The following UNC13C variants were observed in gnomAD, a reference collection of about 807,000 sequenced individuals.
The protein encoded by UNC13C is protein unc-13 homolog C.
UNC13C carries 174 observed loss-of-function variants against 245.4 expected under a neutral mutation model. That is an observed-to-expected ratio of 0.71 (90% CI 0.63 to 0.80). The LOEUF is 0.80. UNC13C is among the 30% of genes least tolerant of loss of function. The probability of loss-of-function intolerance (pLI) is 0.00; values close to 1 mark genes in which losing one functional copy is unlikely to be tolerated. For missense variants in UNC13C, 2,829 were observed against 2,602.9 expected, an observed-to-expected ratio of 1.09 and a Z score of -1.89; for synonymous variants, 992 against 895.1, an observed-to-expected ratio of 1.11 and a Z score of -1.93.
At chr15:54,332,966 A>T (rs1042165522) in intron 15 of UNC13C, among the ~76,000 whole-genome samples, 8 of 152,000 alleles carry the variant, frequency 5.3e-5, no homozygotes, top group Admixed American at 5.3e-4. Context: ...GACCAACATA[A>T]TGAGAAGAGA....
rs79197274 is a variant in UNC13C at position 54,242,152 on chromosome 15, A to G, written c.3228+4462A>G. Reference sequence around the variant, plus strand: ...TTGAACAATTTTGGCATCATTATTAAACTAGCTTAATAAGATAAGTGAGGA... The same window carrying G: ...TTGAACAATTTTGGCATCATTATTAGACTAGCTTAATAAGATAAGTGAGGA... On this transcript the variant is annotated intron_variant, in intron 7 of 32. Coordinates refer to ENST00000260323, the MANE Select transcript of UNC13C (RefSeq NM_001080534.3). Among the ~76,000 whole-genome samples, 505 of 152,310 alleles carry G rather than the reference A, an allele frequency of 3.3e-3. 19 individuals carry two copies. The East Asian group carries it at 0.068, about 21-fold the overall frequency.
intron 19 of UNC13C, among the ~76,000 whole-genome samples, chr15:54,424,126 G>T (rs1384004064): frequency 6.6e-6 from 1 of 151,660 alleles, no homozygotes; most frequent in African/African-American, 2.4e-5. Flanking sequence ...TGTGGAACTT[G>T]TAAATTTGGC....
chr15:54,285,423 G>A (rs907412083), intron 10 of UNC13C, among the ~76,000 whole-genome samples: 6 of 152,188 alleles, frequency 3.9e-5, no homozygotes, highest in African/African-American at 1.4e-4. Context: ...TAACAAGTGA[G>A]ATACCGATAT....
chr15:54,070,951 T>C (rs1277435693), intron 2 of UNC13C, among the ~76,000 whole-genome samples: 1 of 152,214 alleles, frequency 6.6e-6, no homozygotes, highest in Non-Finnish European at 1.5e-5. Context: ...GTAGAAGATA[T>C]ATAATTTATT....
the UNC13C span, among the ~76,000 whole-genome samples, chr15:53,953,146 C>A: frequency 1.3e-5 from 2 of 152,194 alleles, no homozygotes; most frequent in African/African-American, 4.8e-5. Context: ...GAAAGGATTT[C>A]GGAATGTACT....
Position 54,039,341 on chromosome 15 carries a change from G to A in UNC13C, c.2983+23455G>A, listed in dbSNP as rs547673280. 3.2e-4 allele frequency among the ~76,000 whole-genome samples: 49 copies of A among 152,236 alleles called. 1 individual carries two copies. The highest frequency in any genetic ancestry group is 1.1e-3 in the African/African-American group (46 of 41,542). On this transcript the variant is annotated intron_variant, in intron 2 of 32. Coordinates refer to ENST00000260323, the MANE Select transcript of UNC13C (RefSeq NM_001080534.3). ...TAATTTTATTTGCCTGATTTGAGTT[G>A]TCAAAATATTCTAGATTCTTTTCAT...
chr15:54,037,925 G>A (rs909059969), intron 2 of UNC13C, among the ~76,000 whole-genome samples: 2 of 150,392 alleles, frequency 1.3e-5, no homozygotes, highest in African/African-American at 4.9e-5. Context: ...AGTGAGAAGT[G>A]TAAAAGCAAT....
At chr15:54,185,984 A>C (rs1164931426) in intron 4 of UNC13C, among the ~76,000 whole-genome samples, 70 of 151,824 alleles carry the variant, frequency 4.6e-4, no homozygotes, top group African/African-American at 1.6e-3. Flanking sequence ...GAGGTCCTTC[A>C]CATCCCTTGT....
chr15:54,363,988 T>C (rs1165383216), intron 17 of UNC13C, among the ~76,000 whole-genome samples: 1 of 152,196 alleles, frequency 6.6e-6, no homozygotes, highest in Non-Finnish European at 1.5e-5. Context: ...AAATTAAAAA[T>C]TCATGGTTTT....
rs1453190864 is a variant in UNC13C, at chr15:54,014,492, A to G, written c.1589A>G (p.Asp530Gly). 7 of 1,613,716 alleles carry G rather than the reference A, an allele frequency of 4.3e-6. No individual in the cohort carries two copies. In the Admixed American group the frequency reaches 5.0e-5, roughly 12 times the overall value. Residue 530 changes from aspartate to glycine, a missense_variant, in exon 2 of 33, where the codon GAT becomes GGT. Transcript: ENST00000260323. ...AAGCAAACCACAACCCATTATGCAG[A>G]TGCAACACCTCTCTGGCACTCACAG... ...LEKQTTTHYA[D>G]ATPLWHSQSD...
intron 2 of UNC13C, among the ~76,000 whole-genome samples, chr15:54,089,811 A>G (rs1004318467): frequency 2.6e-5 from 4 of 152,180 alleles, no homozygotes; most frequent in African/African-American, 9.7e-5. Context: ...AATTCAACTC[A>G]TCATAAAGGT....
At chr15:54,188,485 A>G (rs1390762758) in intron 4 of UNC13C, among the ~76,000 whole-genome samples, 3 of 152,206 alleles carry the variant, frequency 2.0e-5, no homozygotes, top group African/African-American at 7.2e-5. Context: ...GGGTACAACA[A>G]ACTACATTTA....
chr15:54,137,771 CCT>C (rs1261761279), intron 2 of UNC13C, among the ~76,000 whole-genome samples: 1 of 151,664 alleles, frequency 6.6e-6, no homozygotes, highest in African/African-American at 2.4e-5. Context: ...TCAAAAAAAC[CCT>C]CTTAGTTTCA....
At chr15:54,104,073 G>C (rs1900308635) in intron 2 of UNC13C, among the ~76,000 whole-genome samples, 1 of 152,242 alleles carries the variant, frequency 6.6e-6, no homozygotes, top group Non-Finnish European at 1.5e-5. Flanking sequence ...ATTGTGTCGA[G>C]TCCTTTTCTT....
At chr15:54,109,315 C>T (rs1900639279) in intron 2 of UNC13C, among the ~76,000 whole-genome samples, 3 of 69,636 alleles carry the variant, frequency 4.3e-5, no homozygotes, top group African/African-American at 1.7e-4. Context: ...CCTCCCCTCC[C>T]CTCCCTTTCC....
At chr15:54,478,463 C>T (rs1892903080) in intron 19 of UNC13C, among the ~76,000 whole-genome samples, 1 of 145,082 alleles carries the variant, frequency 6.9e-6, no homozygotes, top group African/African-American at 2.6e-5. Flanking sequence ...TATAAATTTC[C>T]CTCTACACAC....
intron 2 of UNC13C, among the ~76,000 whole-genome samples, chr15:54,084,617 A>G (rs4644804): frequency 0.47 from 71,484 of 152,042 alleles, 18,755 homozygotes; most frequent in Non-Finnish European, 0.6. Flanking sequence ...CTCGTTAGTA[A>G]ATGAGAGCTA....
intron 4 of UNC13C, among the ~76,000 whole-genome samples, chr15:54,209,960 T>A (rs1023580083): frequency 6.6e-6 from 1 of 152,034 alleles, no homozygotes; most frequent in Non-Finnish European, 1.5e-5. Context: ...TGTAAGACAC[T>A]GTTTCATAAC....
intron 21 of UNC13C, 116 bp from the exon 22 acceptor site, chr15:54,500,719 C>A: frequency 1.2e-6 from 1 of 809,100 alleles, no homozygotes; most frequent in Non-Finnish European, 1.9e-6. Context: ...CATTTTATTA[C>A]TGGGAAATGT....
Sources: gnomAD v4.1 joint callset for allele counts (sites outside exome capture counted in the v4.1 genomes callset) on GRCh38, gnomAD v4.1.1 for gene constraint, MANE v1.5 for transcripts, NCBI Gene and HGNC (gene_info 2026-07-23, HGNC 2026-07-21) for gene names.